The following ZBTB17 variants were observed in gnomAD, a reference collection of about 807,000 sequenced individuals.
ZBTB17 encodes the protein zinc finger and BTB domain-containing protein 17.
ZBTB17 carries 24 observed loss-of-function variants against 85.1 expected under a neutral mutation model. That is an observed-to-expected ratio of 0.28 (90% CI 0.20 to 0.40). ZBTB17 has a LOEUF of 0.40. Ranked by LOEUF, ZBTB17 falls within the 10% of genes least tolerant of loss-of-function variation. ZBTB17 has a pLI of 1.00. For missense variants in ZBTB17, 743 were observed against 1,105.1 expected (o/e 0.67, Z 4.65); for synonymous variants, 464 against 460.2 (o/e 1.01, Z -0.11).
intron 2 of ZBTB17, among the ~76,000 whole-genome samples, chr1:15,949,580 G>C (rs1481585850): frequency 6.6e-6 from 1 of 152,250 alleles, no homozygotes; most frequent in Non-Finnish European, 1.5e-5. Flanking sequence ...GCCTGAGTCT[G>C]CACGGGGCTG....
rs1036099832 is a variant in ZBTB17 at position 15,976,057 on chromosome 1, C to A, written c.-164G>T. On this transcript the variant is annotated 5_prime_UTR_variant, in exon 1 of 16. Coordinates refer to ENST00000375743, the MANE Select transcript of ZBTB17 (RefSeq NM_003443.3). ...GAAGGCCGGGGACGGCACTCCAGAG[C>A]AGACAAAGGGCGCCGCCATGTTAGA... is the stretch of plus-strand genomic sequence containing the variant. 1 of 692,518 alleles carries A rather than the reference C, an allele frequency of 1.4e-6. No homozygotes were observed. The highest frequency in any genetic ancestry group is 2.6e-6 in the Non-Finnish European group (1 of 380,132). The allele number at this position is 692,518 out of a possible 1,614,324, so 42.9% of individuals were successfully genotyped here.
chr1:15,968,008 C>G (rs1397901030), intron 2 of ZBTB17, among the ~76,000 whole-genome samples: 6 of 152,084 alleles, frequency 3.9e-5, no homozygotes, highest in African/African-American at 1.4e-4. Flanking sequence ...GGTGTCACCA[C>G]TGGAGAAGAG....
At chr1:15,943,290 T>C in intron 12 of ZBTB17, 96 bp from the exon 13 acceptor site, 1 of 1,599,108 alleles carries the variant, frequency 6.3e-7, no homozygotes, top group Admixed American at 1.7e-5. Flanking sequence ...GACCAGAGCC[T>C]GGGGCGTGGG....
rs1429726457 is a variant in ZBTB17 at position 15,966,540 on chromosome 1, T to G, written c.-3+6499A>C. Among the ~76,000 whole-genome samples the G allele has an allele frequency of 1.3e-5, 2 of 152,188 alleles. No homozygotes were observed. The highest frequency in any genetic ancestry group is 1.3e-4 in the Admixed American group (2 of 15,272). ...TAACCATGCCCTTTGCTTCCTTCCT[T>G]TGAAGCCCAGCCCTACGAACCATCT... On this transcript the variant is annotated intron_variant, in intron 2 of 15. Transcript: ENST00000375743. The surrounding 1 kb of genome is among the most constrained non-coding windows in gnomAD (Gnocchi z 4.1).
At chr1:15,965,490 T>C (rs2072410518) in intron 2 of ZBTB17, among the ~76,000 whole-genome samples, 1 of 152,164 alleles carries the variant, frequency 6.6e-6, no homozygotes, top group African/African-American at 2.4e-5. Flanking sequence ...AACGGAATTG[T>C]TGAAGGGTAA....
intron 13 of ZBTB17, 44 bp downstream of exon 13, chr1:15,943,020 G>A: frequency 6.2e-7 from 1 of 1,608,038 alleles, no homozygotes. Context: ...CCACCTGGCA[G>A]CAGGGCCTGG....
chr1:15,943,257 T>A, intron 12 of ZBTB17, 63 bp from the exon 13 acceptor site: 1 of 1,612,094 alleles, frequency 6.2e-7, no homozygotes, highest in Non-Finnish European at 8.5e-7. Flanking sequence ...TGCCTCACCC[T>A]CTAGACTGAA....
intron 6 of ZBTB17, among the ~76,000 whole-genome samples, chr1:15,945,414 G>A (rs1474300152): frequency 3.3e-5 from 5 of 152,250 alleles, no homozygotes; most frequent in Admixed American, 1.3e-4. Context: ...AGCAGGCACT[G>A]GAGGGTTGCC....
At chr1:15,944,066 C>A in intron 9 of ZBTB17, 171 bp from the exon 10 acceptor site, 3 of 961,808 alleles carry the variant, frequency 3.1e-6, no homozygotes, top group Non-Finnish European at 4.9e-6. Context: ...AGAGGTAAGC[C>A]GCCCCACCCC....
Position 15,945,187 on chromosome 1 carries a change from G to T in ZBTB17, c.677C>A (p.Pro226His). ...TTGCTCCTCTTCCCCTTTCCGGGCG[G>T]GCTCCACCTCCATTTCTGCGGAGAA... ...ESSEQEMEVE[P>H]ARKGEEEQKE... The change falls in exon 7 of 16, where the codon CCC becomes CAC. Residue 226 changes from proline (P) to histidine (H), a missense_variant. By Grantham distance (77) the Pro-to-His change is moderately conservative. Transcript: ENST00000375743. 6.4e-7 allele frequency: 1 copy of T among 1,555,206 alleles called. No homozygotes were observed. Among genetic ancestry groups the T allele is most frequent in the Non-Finnish European group, 8.7e-7 (1 of 1,149,058 alleles).
chr1:15,942,425 G>A lies in ZBTB17; in HGVS notation c.2039-5C>T, dbSNP rs764025377. The A allele has an allele frequency of 1.6e-4, 253 of 1,612,964 alleles. No homozygotes were observed. The highest frequency in any genetic ancestry group is 2.1e-4 in the Non-Finnish European group (248 of 1,179,974). On this transcript the variant is annotated splice_polypyrimidine_tract_variant and splice_region_variant and intron_variant, in intron 14 of 15. Transcript: ENST00000375743. ...CTGCAGCTCCCACCGGCACCACTGC[G>A]GGCAGAGTCGCAGGGCCTAAGGTGA... is the stretch of plus-strand genomic sequence containing the variant.
chr1:15,956,047 A>G (rs1314425656), intron 2 of ZBTB17, among the ~76,000 whole-genome samples: 3 of 152,230 alleles, frequency 2.0e-5, no homozygotes, highest in African/African-American at 7.2e-5. Context: ...CCACTGTGCT[A>G]GTACGCATAC....
chr1:15,946,070 G>A (rs1456154013), intron 5 of ZBTB17, 84 bp downstream of exon 5: 2 of 1,595,010 alleles, frequency 1.3e-6, no homozygotes, highest in African/African-American at 1.3e-5. Context: ...CGTGCTACCT[G>A]CCCCAAGGCA....
chr1:15,950,509 C>T (rs950668565), intron 2 of ZBTB17, among the ~76,000 whole-genome samples: 1 of 152,150 alleles, frequency 6.6e-6, no homozygotes, highest in African/African-American at 2.4e-5. Context: ...TAGTCACCCC[C>T]TACATACCCA....
At chr1:15,968,038 GGAGAGGCCAGAGAC>G (rs2072506744) in intron 2 of ZBTB17, among the ~76,000 whole-genome samples, 2 of 152,076 alleles carry the variant, frequency 1.3e-5, no homozygotes, top group Non-Finnish European at 2.9e-5. Flanking sequence ...GCATCTATGG[GGAGAGGCCAGAGAC>G]GCTACAGAAA....
chr1:15,974,583 T>C (rs368469230), intron 1 of ZBTB17, among the ~76,000 whole-genome samples: 21 of 152,190 alleles, frequency 1.4e-4, no homozygotes, highest in African/African-American at 4.6e-4. Context: ...TTTTTTTTTT[T>C]TTCTTTTTTG....
rs2071421520 is a variant in ZBTB17, at chr1:15,942,872, C to T, written c.1829-134G>A. The T allele has an allele frequency of 3.0e-6, 4 of 1,334,080 alleles. No individual in the cohort carries two copies. In the South Asian group the frequency reaches 5.6e-5, roughly 19 times the overall value. The allele number at this position is 1,334,080 out of a possible 1,614,324, so 82.6% of individuals were successfully genotyped here. A position where few individuals can be genotyped will look rare whatever the true frequency, so the allele number is the denominator to read the frequency against. The stretch of plus-strand genomic sequence containing the variant: ...GTGCTCTGGGGTGGCTGCACGGGTG[C>T]CTCTGGTGACACTGGCACCTCTGGA... On this transcript the variant is annotated intron_variant, in intron 13 of 15. Transcript: ENST00000375743.
At position 15,942,691 on chromosome 1, in the gene ZBTB17, C is replaced by A; in HGVS notation, c.1876G>T (p.Val626Leu). Residue 626 changes from valine (V) to leucine (L), a missense_variant, in exon 14 of 16, where the codon GTA (valine) becomes TTA (leucine). Physicochemically the swap from Val to Leu is conservative, Grantham distance 32. Around this residue, in one of 4 missense-constraint regions of ZBTB17, gnomAD observed 321 missense variants for 615.7 expected, o/e 0.52. Transcript: ENST00000375743. The part of the protein sequence containing the change: ...CDKCGRGFNR[V>L]DNLRSHVKTV... ...TTCACGTGGGAGCGCAGGTTGTCTA[C>A]CCGGTTGAAGCCACGCCCACACTTA... 1.2e-6 allele frequency: 2 copies of A among 1,613,672 alleles called. No homozygotes were observed. The highest frequency in any genetic ancestry group is 1.7e-6 in the Non-Finnish European group (2 of 1,180,032).
At chr1:15,944,665 G>C (rs890322307) in intron 8 of ZBTB17, 32 bp downstream of exon 8, 1 of 1,603,184 alleles carries the variant, frequency 6.2e-7, no homozygotes. Flanking sequence ...GCCTGGCAGG[G>C]GCCGGGGTAG....
Sources: gnomAD v4.1 joint callset for allele counts (sites outside exome capture counted in the v4.1 genomes callset) on GRCh38, gnomAD v4.1.1 for gene constraint, gnomAD v4.1.1 regional missense constraint, Gnocchi (gnomAD v3.1) non-coding constraint, MANE v1.5 for transcripts, NCBI Gene and HGNC (gene_info 2026-07-23, HGNC 2026-07-21) for gene names.